The following RAB31 variants were observed in gnomAD, a reference collection of about 807,000 sequenced individuals.
The protein encoded by RAB31 is RAB31, member RAS oncogene family.
RAB31 carries 21 observed loss-of-function variants against 25.6 expected under a neutral mutation model. That is an observed-to-expected ratio of 0.82 (90% confidence interval 0.58 to 1.18). RAB31 has a LOEUF of 1.18. Ranked by LOEUF, RAB31 falls within the 50% of genes most tolerant of loss-of-function variation. The pLI is 0.00. For synonymous variants in RAB31, 87 were observed against 84.0 expected, an observed-to-expected ratio of 1.04 and a Z score of -0.20; for missense variants, 196 against 250.1, an observed-to-expected ratio of 0.78 and a Z score of 1.46.
chr18:9,831,975 G>A (rs1027571586), intron 5 of RAB31, among the ~76,000 whole-genome samples: 9 of 152,182 alleles, frequency 5.9e-5, no homozygotes, highest in South Asian at 2.1e-4. Flanking sequence ...CCTGCCACCC[G>A]TCATGAAATG....
At chr18:9,811,757 T>A (rs1056769502) in intron 3 of RAB31, among the ~76,000 whole-genome samples, 3 of 152,216 alleles carry the variant, frequency 2.0e-5, no homozygotes, top group Non-Finnish European at 4.4e-5. Flanking sequence ...CATATAATGA[T>A]AAATTAACCA....
intron 3 of RAB31, among the ~76,000 whole-genome samples, chr18:9,807,510 A>C (rs2068548051): frequency 6.6e-6 from 1 of 152,176 alleles, no homozygotes; most frequent in African/African-American, 2.4e-5. Flanking sequence ...AGTTTTAGGA[A>C]ATTCCACTTG....
At chr18:9,730,288 C>CCT (rs2068116193) in intron 1 of RAB31, among the ~76,000 whole-genome samples, 1 of 140,940 alleles carries the variant, frequency 7.1e-6, no homozygotes, top group African/African-American at 2.6e-5. Flanking sequence ...CTCACCTTAT[C>CCT]TTTTTTTTTT....
In RAB31 at chr18:9,773,621, T is replaced by C. The variant is rs573264493; in HGVS notation, c.40-1657T>C. ...GGGGCAACTTCCTGACTTTATTTTC[T>C]AACTCCTCCATGAAATTTTAATTTC... is the stretch of plus-strand genomic sequence containing the variant. On this transcript the variant is annotated intron_variant, in intron 1 of 6. Transcript: ENST00000578921. Among the ~76,000 whole-genome samples the C allele has an allele frequency of 4.6e-5, 7 of 152,290 alleles. No homozygotes were observed. In the East Asian group the frequency reaches 1.2e-3, roughly 25 times the overall value.
chr18:9,803,948 GAGA>G (rs1365929666), intron 3 of RAB31, among the ~76,000 whole-genome samples: 1 of 152,232 alleles, frequency 6.6e-6, no homozygotes, highest in Non-Finnish European at 1.5e-5. Flanking sequence ...AGCGACAGGA[GAGA>G]AGGAGGAAGG....
At chr18:9,854,303 C>G (rs774396049) in intron 6 of RAB31, among the ~76,000 whole-genome samples, 1 of 152,098 alleles carries the variant, frequency 6.6e-6, no homozygotes, top group Non-Finnish European at 1.5e-5. Flanking sequence ...TAGCTTAAGT[C>G]TCTCCTTGTT....
At chr18:9,711,507 G>C (rs942738199) in intron 1 of RAB31, among the ~76,000 whole-genome samples, 3 of 152,184 alleles carry the variant, frequency 2.0e-5, no homozygotes, top group African/African-American at 7.2e-5. Context: ...CAAGTAGCTG[G>C]GACCACAGGT....
chr18:9,754,372 T>G (rs1295861432), intron 1 of RAB31, among the ~76,000 whole-genome samples: 2 of 152,144 alleles, frequency 1.3e-5, no homozygotes, highest in African/African-American at 4.8e-5. Context: ...CTCTGCTTCC[T>G]GGGTTCAAGA....
intron 5 of RAB31, among the ~76,000 whole-genome samples, chr18:9,827,028 A>T (rs1217489132): frequency 6.6e-6 from 1 of 152,044 alleles, no homozygotes; most frequent in Non-Finnish European, 1.5e-5. Flanking sequence ...TCCGCATAGC[A>T]GGTTCTAGTT....
intron 3 of RAB31, among the ~76,000 whole-genome samples, chr18:9,807,924 G>A (rs1197041252): frequency 6.6e-6 from 1 of 152,230 alleles, no homozygotes; most frequent in African/African-American, 2.4e-5. Context: ...GCTGCAGTGA[G>A]CCGTGGTGGC....
intron 1 of RAB31, among the ~76,000 whole-genome samples, chr18:9,754,785 C>A (rs966434220): frequency 7.2e-5 from 11 of 152,128 alleles, no homozygotes; most frequent in South Asian, 2.1e-4. Context: ...GTCCTGGAAC[C>A]AATGCCCCCA....
rs1032758469 is a variant in RAB31, at chr18:9,861,278, T to C, written c.*1953T>C. On this transcript the variant is annotated 3_prime_UTR_variant, in exon 7 of 7. Transcript: ENST00000578921. ...AAGTATCCTAGCTGAGAGTTTTGCA[T>C]CTTTGGGCTGGGTTTGCAGTGGTTG... 7.2e-5 allele frequency: 11 copies of C among 152,152 alleles called. No individual in the cohort carries two copies. Among genetic ancestry groups the C allele is most frequent in the Non-Finnish European group, 1.5e-4 (10 of 68,042 alleles). 9.4% of individuals were successfully genotyped at this position (152,152 alleles called of 1,614,324 possible). A position where few individuals can be genotyped will look rare whatever the true frequency, so the allele number is the denominator to read the frequency against.
chr18:9,854,058 C>T (rs186870771), intron 6 of RAB31, among the ~76,000 whole-genome samples: 320 of 150,026 alleles, frequency 2.1e-3, no homozygotes, highest in Non-Finnish European at 3.3e-3. Context: ...GTTTGCTGCA[C>T]GTATCAACAC....
intron 5 of RAB31, among the ~76,000 whole-genome samples, chr18:9,841,695 C>CAGT (rs1363485519): frequency 1.3e-5 from 2 of 152,078 alleles, no homozygotes; most frequent in Non-Finnish European, 2.9e-5. Context: ...GAACAAGGAA[C>CAGT]AGTAGCCTGC....
chr18:9,768,036 A>G (rs2068325171), intron 1 of RAB31, among the ~76,000 whole-genome samples: 3 of 152,194 alleles, frequency 2.0e-5, no homozygotes, highest in South Asian at 2.1e-4. Flanking sequence ...GTGTCCCTGC[A>G]AAGGACATGA....
intron 5 of RAB31, among the ~76,000 whole-genome samples, chr18:9,832,639 G>A (rs973374480): frequency 2.0e-5 from 3 of 152,218 alleles, no homozygotes; most frequent in African/African-American, 7.2e-5. Context: ...CCGAGCATGT[G>A]CTCGAGGGCA....
intron 1 of RAB31, among the ~76,000 whole-genome samples, chr18:9,738,977 A>C (rs1599018968): frequency 6.6e-6 from 1 of 151,856 alleles, no homozygotes; most frequent in Non-Finnish European, 1.5e-5. Flanking sequence ...TGTGGGGAAA[A>C]CCTCCTGTAC....
At chr18:9,727,227 C>G (rs1043746920) in intron 1 of RAB31, among the ~76,000 whole-genome samples, 14 of 152,152 alleles carry the variant, frequency 9.2e-5, no homozygotes, top group African/African-American at 3.4e-4. Flanking sequence ...ATAGCACTTT[C>G]TCTGTTTGCT....
At chr18:9,748,051 G>A (rs920333224) in intron 1 of RAB31, among the ~76,000 whole-genome samples, 2 of 152,184 alleles carry the variant, frequency 1.3e-5, no homozygotes, top group Non-Finnish European at 2.9e-5. Flanking sequence ...ATTTCGATGA[G>A]TTTCCTGAAT....
Sources: allele counts gnomAD v4.1 joint callset (sites outside exome capture counted in the v4.1 genomes callset), GRCh38; gene constraint gnomAD v4.1.1; transcripts MANE v1.5; gene names NCBI Gene and HGNC (gene_info 2026-07-23, HGNC 2026-07-21).